Variants in CDC42SE2 observed in about 807,000 individuals in gnomAD.
CDC42SE2 encodes CDC42 small effector 2, also known as CDC42 small effector protein 2.
A neutral mutation model predicts 11.5 loss-of-function variants in CDC42SE2; 3 were observed. The ratio of observed to expected loss-of-function variants is 0.26; its 90% CI spans 0.12 to 0.67. The LOEUF is 0.67. Among genes scored for constraint, CDC42SE2 ranks in the 30% least tolerant of loss-of-function variants. The probability of loss-of-function intolerance (pLI) is 0.80; values close to 1 mark genes in which losing one functional copy is unlikely to be tolerated. For synonymous variants in CDC42SE2, 33 were observed against 34.8 expected, an observed-to-expected ratio of 0.95 and a Z score of 0.18; for missense variants, 82 against 106.8, an observed-to-expected ratio of 0.77 and a Z score of 1.02.
chr5:131,259,229 AT>A (rs1352102367), upstream of CDC42SE2, among the ~76,000 whole-genome samples: 1 of 152,088 alleles, frequency 6.6e-6, no homozygotes, highest in African/African-American at 2.4e-5. Context: ...GTACCTTATA[AT>A]TTTTTTGGTA....
chr5:131,231,600 T>G, the CDC42SE2 span, among the ~76,000 whole-genome samples: 1 of 152,146 alleles, frequency 6.6e-6, no homozygotes, highest in African/African-American at 2.4e-5. Flanking sequence ...TAAAGAGGCC[T>G]ATCTGAAATT....
chr5:131,264,552 C>T (rs1292238302), intron 1 of CDC42SE2, among the ~76,000 whole-genome samples: 2 of 97,666 alleles, frequency 2.0e-5, no homozygotes, highest in African/African-American at 7.0e-5. Context: ...GAGGGGCGGG[C>T]GGGGAGGGCC....
chr5:131,292,262 AAAAG>A (rs1285285571), intron 1 of CDC42SE2, among the ~76,000 whole-genome samples: 47 of 149,944 alleles, frequency 3.1e-4, no homozygotes, highest in South Asian at 1.9e-3. Flanking sequence ...AAAAAAAAAA[AAAAG>A]ATAATAATAA....
At chr5:131,274,402 T>C (rs1221089554) in intron 1 of CDC42SE2, among the ~76,000 whole-genome samples, 5 of 152,222 alleles carry the variant, frequency 3.3e-5, no homozygotes. Context: ...ATGTCCCTTA[T>C]CTATCTTAAA....
chr5:131,344,027 A>G lies in CDC42SE2; in HGVS notation c.-285-15182A>G, dbSNP rs573218750. Among the ~76,000 whole-genome samples the G allele has an allele frequency of 2.0e-4, 30 of 152,346 alleles. No homozygotes were observed. The South Asian group carries it at 3.7e-3, about 19-fold the overall frequency. ...ATTTAAGTGGGAAAAGGAAGATGTTAGAAAAAGCCTGAGTAGGTTGATGTC... is the reference window on the plus strand; with the variant it reads ...ATTTAAGTGGGAAAAGGAAGATGTTGGAAAAAGCCTGAGTAGGTTGATGTC... On this transcript the variant is annotated intron_variant, in intron 2 of 4. Coordinates refer to ENST00000505065, the MANE Select transcript of CDC42SE2 (RefSeq NM_001375635.1).
Position 131,280,762 on chromosome 5 carries a change from C to T in CDC42SE2, c.-455+16596C>T, listed in dbSNP as rs146348141. 4.7e-3 allele frequency among the ~76,000 whole-genome samples: 714 copies of T among 152,056 alleles called. 4 individuals are homozygous for T. The highest frequency in any genetic ancestry group is 0.024 in the Middle Eastern group (7 of 294). ...TTATATTTTTTAGTCTGTCCAAGTCCGACTGATCCTTTAATAGTAAAATAA... is the reference window on the plus strand; with the variant it reads ...TTATATTTTTTAGTCTGTCCAAGTCTGACTGATCCTTTAATAGTAAAATAA... On this transcript the variant is annotated intron_variant, in intron 1 of 4. Transcript: ENST00000505065.
intron 2 of CDC42SE2, among the ~76,000 whole-genome samples, chr5:131,352,833 T>G (rs1749385846): frequency 1.3e-5 from 2 of 152,246 alleles, no homozygotes; most frequent in Admixed American, 1.3e-4. Flanking sequence ...TGGCATCTGA[T>G]GGAACTTCAG....
chr5:131,228,119 A>C, the CDC42SE2 span, among the ~76,000 whole-genome samples: 3 of 152,176 alleles, frequency 2.0e-5, no homozygotes, highest in African/African-American at 4.8e-5. Flanking sequence ...AGACATGAGA[A>C]TCGCTTGAAC....
chr5:131,319,058 C>T (rs1758106933), intron 2 of CDC42SE2, among the ~76,000 whole-genome samples: 1 of 152,112 alleles, frequency 6.6e-6, no homozygotes, highest in South Asian at 2.1e-4. Flanking sequence ...CCCGCCACCA[C>T]TCCTGGCCAA....
chr5:131,344,999 G>A (rs929869775), intron 2 of CDC42SE2, among the ~76,000 whole-genome samples: 2 of 152,132 alleles, frequency 1.3e-5, no homozygotes, highest in Admixed American at 6.5e-5. Flanking sequence ...CCATCTGTAC[G>A]TCACCATATC....
intron 1 of CDC42SE2, among the ~76,000 whole-genome samples, chr5:131,249,309 C>T (rs369272261): frequency 6.6e-6 from 1 of 151,630 alleles, no homozygotes. Context: ...TGAGCCACCA[C>T]GACCGGCCAG....
chr5:131,239,024 C>T, the CDC42SE2 span, among the ~76,000 whole-genome samples: 19 of 151,672 alleles, frequency 1.3e-4, no homozygotes, highest in Admixed American at 4.6e-4. Flanking sequence ...GGCATGGTGG[C>T]GCTCGCCTGT....
At chr5:131,233,283 A>T in the CDC42SE2 span, among the ~76,000 whole-genome samples, 2 of 152,222 alleles carry the variant, frequency 1.3e-5, no homozygotes, top group African/African-American at 4.8e-5. Flanking sequence ...TAAAATTCTT[A>T]AAATGGCCAT....
intron 2 of CDC42SE2, among the ~76,000 whole-genome samples, chr5:131,341,178 C>T (rs1758703493): frequency 6.6e-6 from 1 of 152,008 alleles, no homozygotes; most frequent in Non-Finnish European, 1.5e-5. Flanking sequence ...CAACATTTTC[C>T]AGTTTGAAAG....
chr5:131,250,734 C>T (rs1365919688), intron 1 of CDC42SE2, among the ~76,000 whole-genome samples: 1 of 152,108 alleles, frequency 6.6e-6, no homozygotes, highest in Non-Finnish European at 1.5e-5. Flanking sequence ...AAACTATGAA[C>T]TTTAGTTAAC....
At chr5:131,234,306 C>T in the CDC42SE2 span, among the ~76,000 whole-genome samples, 1 of 151,992 alleles carries the variant, frequency 6.6e-6, no homozygotes, top group South Asian at 2.1e-4. Flanking sequence ...TCTGGATAAA[C>T]AGAATCAATA....
intron 3 of CDC42SE2, among the ~76,000 whole-genome samples, chr5:131,377,787 C>T (rs537437413): frequency 6.6e-6 from 1 of 152,196 alleles, no homozygotes; most frequent in South Asian, 2.1e-4. Context: ...AAAATTAAAT[C>T]AGCAGATAAG....
At chr5:131,317,709 T>C (rs955768914) in intron 2 of CDC42SE2, among the ~76,000 whole-genome samples, 1 of 152,132 alleles carries the variant, frequency 6.6e-6, no homozygotes, top group African/African-American at 2.4e-5. Context: ...TGAAAAAGTA[T>C]GGAATGAGAA....
chr5:131,220,674 A>C, the CDC42SE2 span, among the ~76,000 whole-genome samples: 1 of 152,356 alleles, frequency 6.6e-6, no homozygotes, highest in South Asian at 2.1e-4. Context: ...AAATCAAGGC[A>C]GAACTGTTAC....
Sources: gnomAD v4.1 joint callset for allele counts (sites outside exome capture counted in the v4.1 genomes callset) on GRCh38, gnomAD v4.1.1 for gene constraint, MANE v1.5 for transcripts, NCBI Gene and HGNC (gene_info 2026-07-23, HGNC 2026-07-21) for gene names.